The following DGKB variants were observed in gnomAD, a reference collection of about 807,000 sequenced individuals.
DGKB encodes 90 kDa diacylglycerol kinase.
Under a neutral mutation model 114.3 loss-of-function variants are expected in DGKB, and 67 were observed. The observed-to-expected ratio is 0.59, with a 90% CI of 0.48 to 0.72. The LOEUF is 0.72. Ranked by LOEUF, DGKB falls within the 30% of genes least tolerant of loss-of-function variation. DGKB has a pLI of 0.00. For missense variants in DGKB, 907 were observed against 975.2 expected, an observed-to-expected ratio of 0.93 and a Z score of 0.93; for synonymous variants, 398 against 323.1, an observed-to-expected ratio of 1.23 and a Z score of -2.49.
chr7:14,259,401 CTCTCTCTATATATA>C (rs1056206431), intron 23 of DGKB, among the ~76,000 whole-genome samples: 21 of 102,700 alleles, frequency 2.0e-4, no homozygotes, highest in African/African-American at 3.2e-4. Context: ...CTCTCTCTCT[CTCTCTCTATATATA>C]TATATATATA....
At chr7:14,915,694 C>G (rs1411759385) in intron 1 of DGKB, among the ~76,000 whole-genome samples, 1 of 151,982 alleles carries the variant, frequency 6.6e-6, no homozygotes, top group Non-Finnish European at 1.5e-5. Context: ...AAAAACCCAC[C>G]AACCTAGGAT....
chr7:14,325,286 G>A (rs1284240787), intron 23 of DGKB, among the ~76,000 whole-genome samples: 3 of 152,010 alleles, frequency 2.0e-5, no homozygotes, highest in Non-Finnish European at 2.9e-5. Context: ...TCAGTGGGGG[G>A]TCATCATGGT....
At chr7:14,501,337 T>A (rs1389600454) in intron 20 of DGKB, among the ~76,000 whole-genome samples, 1 of 151,758 alleles carries the variant, frequency 6.6e-6, no homozygotes, top group African/African-American at 2.4e-5. Flanking sequence ...TAAAGAAATA[T>A]CATCAGGAGG....
intron 13 of DGKB, among the ~76,000 whole-genome samples, chr7:14,634,623 A>G (rs1810392126): frequency 6.6e-6 from 1 of 151,518 alleles, no homozygotes; most frequent in South Asian, 2.1e-4. Flanking sequence ...TATCTCTGGC[A>G]TCAAAAAAGT....
intron 21 of DGKB, among the ~76,000 whole-genome samples, chr7:14,407,201 G>T (rs1349174513): frequency 6.6e-6 from 1 of 152,104 alleles, no homozygotes; most frequent in African/African-American, 2.4e-5. Context: ...ACGGTTCCAG[G>T]AACTGCCATG....
At chr7:14,922,375 C>CGTGT (rs150420213) in intron 1 of DGKB, among the ~76,000 whole-genome samples, 2,115 of 118,240 alleles carry the variant, frequency 0.018, 18 homozygotes, top group Non-Finnish European at 0.02. Flanking sequence ...GTGTATCCAT[C>CGTGT]GTGTGTGTGT....
intron 22 of DGKB, among the ~76,000 whole-genome samples, chr7:14,338,912 T>G (rs568872076): frequency 6.6e-6 from 1 of 152,170 alleles, no homozygotes; most frequent in South Asian, 2.1e-4. Flanking sequence ...ACCAGTTATC[T>G]CTAGAAGTCC....
chr7:14,889,130 T>G (rs1780775891), intron 1 of DGKB, among the ~76,000 whole-genome samples: 2 of 151,692 alleles, frequency 1.3e-5, no homozygotes, highest in African/African-American at 2.4e-5. Flanking sequence ...TCAGCTATGT[T>G]TAGCATTCAC....
At chr7:14,928,289 A>G (rs933036102) in intron 1 of DGKB, among the ~76,000 whole-genome samples, 4 of 151,938 alleles carry the variant, frequency 2.6e-5, no homozygotes, top group African/African-American at 7.2e-5. Context: ...CAAATATTCA[A>G]AAAACTTTAA....
intron 2 of DGKB, among the ~76,000 whole-genome samples, chr7:14,839,105 T>C (rs116692821): frequency 0.012 from 1,811 of 152,238 alleles, 34 homozygotes; most frequent in African/African-American, 0.041. Context: ...TGGCTAGACA[T>C]AGAATTATTT....
At position 14,698,079 on chromosome 7, in the gene DGKB, T is replaced by C. The variant is rs900052345; in HGVS notation, c.591+16A>G. On this transcript the variant is annotated intron_variant, in intron 8 of 25. Transcript: ENST00000402815. ...TTCCAGAATTTAGCCAATAGTGAAA[T>C]CATTCATATACCTACTGGATTAAGT... The C allele has an allele frequency of 5.5e-6, 8 of 1,453,070 alleles. No individual in the cohort carries two copies. Among genetic ancestry groups the C allele is most frequent in the Non-Finnish European group, 6.6e-6 (7 of 1,058,322 alleles). The allele number at this position is 1,453,070 out of a possible 1,614,324, so 90.0% of individuals were successfully genotyped here. A position where few individuals can be genotyped will look rare whatever the true frequency, so the allele number is the denominator to read the frequency against.
intron 21 of DGKB, among the ~76,000 whole-genome samples, chr7:14,390,656 G>A (rs529259120): frequency 6.6e-6 from 1 of 152,180 alleles, no homozygotes; most frequent in Non-Finnish European, 1.5e-5. Context: ...GGTATTTATG[G>A]TATCCAAGAC....
At chr7:14,576,425 C>A (rs1383322648) in intron 19 of DGKB, among the ~76,000 whole-genome samples, 8 of 151,204 alleles carry the variant, frequency 5.3e-5, no homozygotes, top group African/African-American at 1.7e-4. Flanking sequence ...ATTATTTTAC[C>A]TACTGAATTA....
intron 21 of DGKB, among the ~76,000 whole-genome samples, chr7:14,397,874 G>T (rs564964204): frequency 2.3e-4 from 35 of 152,118 alleles, no homozygotes; most frequent in Admixed American, 3.3e-4. Flanking sequence ...TTGTTCCCGG[G>T]TGCTCAACAA....
intron 20 of DGKB, among the ~76,000 whole-genome samples, chr7:14,530,939 T>A (rs1791483898): frequency 6.6e-6 from 1 of 151,550 alleles, no homozygotes; most frequent in African/African-American, 2.4e-5. Context: ...ATCAAATAAC[T>A]TAAATTTAAA....
At chr7:14,356,655 C>T (rs551538045) in intron 21 of DGKB, among the ~76,000 whole-genome samples, 63 of 151,848 alleles carry the variant, frequency 4.1e-4, no homozygotes, top group East Asian at 1.4e-3. Flanking sequence ...CCACCACGCC[C>T]GGGCTTGCTT....
rs1261540543 is a variant in DGKB, at chr7:14,326,008, T to C, written c.2122+12507A>G. 3.3e-5 allele frequency among the ~76,000 whole-genome samples: 5 copies of C among 152,098 alleles called. No homozygotes were observed. In the South Asian group the frequency reaches 8.3e-4, roughly 25 times the overall value. On this transcript the variant is annotated intron_variant, in intron 23 of 25. Transcript: ENST00000402815. Reference sequence around the variant, plus strand: ...AGGAGGTAGAAAAGTCAGAAATGTTTATGTCTACTTATATAGGTTATGAGA... The same window carrying C: ...AGGAGGTAGAAAAGTCAGAAATGTTCATGTCTACTTATATAGGTTATGAGA...
At chr7:14,454,431 A>G (rs1563217091) in intron 21 of DGKB, among the ~76,000 whole-genome samples, 1 of 152,082 alleles carries the variant, frequency 6.6e-6, no homozygotes, top group Non-Finnish European at 1.5e-5. Flanking sequence ...GTTTTTACAA[A>G]CATTCATGTT....
At chr7:14,586,213 C>A (rs955522133) in intron 17 of DGKB, among the ~76,000 whole-genome samples, 1 of 152,046 alleles carries the variant, frequency 6.6e-6, no homozygotes, top group African/African-American at 2.4e-5. Flanking sequence ...AGTGTTACTC[C>A]AGCGAACACA....
Sources: allele counts gnomAD v4.1 joint callset (sites outside exome capture counted in the v4.1 genomes callset), GRCh38; gene constraint gnomAD v4.1.1; transcripts MANE v1.5; gene names NCBI Gene and HGNC (gene_info 2026-07-23, HGNC 2026-07-21).